Variants in DNM3 observed in about 807,000 individuals in gnomAD.
DNM3 encodes the protein dynamin-3.
A neutral mutation model predicts 101.6 loss-of-function variants in DNM3; 47 were observed. The observed-to-expected ratio is 0.46, with a 90% CI of 0.37 to 0.59. The LOEUF is 0.59. Among genes scored for constraint, DNM3 ranks in the 20% least tolerant of loss-of-function variants. The pLI is 0.00. For synonymous variants in DNM3, 385 were observed against 387.9 expected (o/e 0.99, Z 0.09); for missense variants, 849 against 1,085.7 (o/e 0.78, Z 3.06).
intron 14 of DNM3, chr1:172,136,525 T>C (rs966424125): frequency 1.3e-4 from 20 of 152,192 alleles, no homozygotes; most frequent in African/African-American, 4.1e-4. Context: ...CCAGTAAATA[T>C]TGAACTCTAA....
chr1:172,323,475 C>A, intron 17 of DNM3, 135 bp downstream of exon 17: 2 of 1,060,560 alleles, frequency 1.9e-6, no homozygotes, highest in Non-Finnish European at 2.6e-6. Flanking sequence ...ATGGGGTGTG[C>A]AAATTTGGGG....
chr1:172,027,893 C>T (rs910833579), intron 4 of DNM3, among the ~76,000 whole-genome samples: 1 of 152,108 alleles, frequency 6.6e-6, no homozygotes, highest in African/African-American at 2.4e-5. Context: ...TATATATGCA[C>T]CCAATACAGG....
In DNM3 at chr1:171,883,478, C is replaced by CT. The variant is rs796456771; in HGVS notation, c.162-38259dup. On this transcript the variant is annotated intron_variant, in intron 1 of 20. Transcript: ENST00000627582. ...TGATTCCTCTTTTTCTTTTTTCTTT[C>CT]TTTTTTTTTTTGAGATGGAGTCTCA... is the stretch of plus-strand genomic sequence containing the variant. 9.8e-3 allele frequency among the ~76,000 whole-genome samples: 1,374 copies of CT among 139,690 alleles called. 22 individuals carry two copies. The highest frequency in any genetic ancestry group is 0.027 in the African/African-American group (1,053 of 38,318). The allele number at this position is 139,690 out of a possible 152,430, so 91.6% of individuals were successfully genotyped here.
intron 1 of DNM3, among the ~76,000 whole-genome samples, chr1:171,893,802 T>G (rs2037512224): frequency 6.6e-6 from 1 of 151,934 alleles, no homozygotes; most frequent in Non-Finnish European, 1.5e-5. Flanking sequence ...CAATCCAATA[T>G]AAGTTGAAAT....
chr1:172,367,795 A>G (rs540788717), intron 17 of DNM3, among the ~76,000 whole-genome samples: 11 of 152,038 alleles, frequency 7.2e-5, no homozygotes, highest in African/African-American at 2.4e-4. Flanking sequence ...GAGTACTGCT[A>G]TGGTTTCACT....
chr1:172,045,497 C>T (rs1041766911), intron 9 of DNM3, among the ~76,000 whole-genome samples: 1 of 152,030 alleles, frequency 6.6e-6, no homozygotes, highest in African/African-American at 2.4e-5. Context: ...GGGTTCTGCC[C>T]TCATGATGTA....
Position 172,252,812 on chromosome 1 carries a change from G to A in DNM3, c.1660-761G>A, listed in dbSNP as rs991475686. On this transcript the variant is annotated intron_variant, in intron 14 of 20. Coordinates refer to ENST00000627582, the MANE Select transcript of DNM3 (RefSeq NM_015569.5). ...TCCAATGTTTTACTAACACTAATTT[G>A]GTCGCATTTGCAGACCTTACCTCTT... Among the ~76,000 whole-genome samples, 104 of 152,070 alleles carry A rather than the reference G, an allele frequency of 6.8e-4. 1 individual carries two copies. The highest frequency in any genetic ancestry group is 1.5e-3 in the East Asian group (8 of 5,182).
At chr1:171,866,992 A>G (rs759035990) in intron 1 of DNM3, among the ~76,000 whole-genome samples, 2 of 152,176 alleles carry the variant, frequency 1.3e-5, no homozygotes, top group Non-Finnish European at 2.9e-5. Flanking sequence ...CGTATTTTAA[A>G]AGTTTAGGTG....
intron 14 of DNM3, among the ~76,000 whole-genome samples, chr1:172,142,806 CT>C (rs1293210069): frequency 6.7e-6 from 1 of 148,794 alleles, no homozygotes; most frequent in Non-Finnish European, 1.5e-5. Context: ...TATTTTTCCT[CT>C]TCAGTAATTG....
At chr1:171,927,338 A>G (rs1445483861) in intron 2 of DNM3, among the ~76,000 whole-genome samples, 4 of 152,170 alleles carry the variant, frequency 2.6e-5, no homozygotes, top group African/African-American at 9.7e-5. Context: ...TTCATCATCC[A>G]GGTTTTAAGT....
At chr1:172,215,703 G>A (rs190044696) in intron 14 of DNM3, among the ~76,000 whole-genome samples, 3 of 151,952 alleles carry the variant, frequency 2.0e-5, no homozygotes, top group East Asian at 1.9e-4. Context: ...GTACATATTC[G>A]TTGGACTCAA....
At chr1:172,031,654 C>T (rs539082140) in intron 4 of DNM3, among the ~76,000 whole-genome samples, 16 of 152,228 alleles carry the variant, frequency 1.1e-4, no homozygotes, top group African/African-American at 2.6e-4. Flanking sequence ...ATGTATATGA[C>T]GTGCTACACA....
intron 20 of DNM3, 40 bp from the exon 21 acceptor site, chr1:172,407,732 T>C (rs1388295146): frequency 6.3e-7 from 1 of 1,593,118 alleles, no homozygotes; most frequent in Admixed American, 1.7e-5. Flanking sequence ...CTGCTAGATA[T>C]TCTACTTGTT....
At chr1:172,219,586 AG>A (rs959924822) in intron 14 of DNM3, among the ~76,000 whole-genome samples, 1 of 151,926 alleles carries the variant, frequency 6.6e-6, no homozygotes, top group African/African-American at 2.4e-5. Flanking sequence ...ACTGTAGGAG[AG>A]GGAAGAGGAA....
At chr1:172,022,339 T>C (rs368922019) in intron 4 of DNM3, among the ~76,000 whole-genome samples, 1 of 152,140 alleles carries the variant, frequency 6.6e-6, no homozygotes, top group South Asian at 2.1e-4. Flanking sequence ...TTAAAATCCT[T>C]TCTGACAGTG....
At chr1:172,351,625 A>G (rs1359343977) in intron 17 of DNM3, among the ~76,000 whole-genome samples, 1 of 152,160 alleles carries the variant, frequency 6.6e-6, no homozygotes, top group Non-Finnish European at 1.5e-5. Context: ...ATAAGTTTGG[A>G]TGTTTTCAAG....
chr1:172,234,648 A>T (rs2061467738), intron 14 of DNM3, among the ~76,000 whole-genome samples: 1 of 152,178 alleles, frequency 6.6e-6, no homozygotes, highest in Non-Finnish European at 1.5e-5. Context: ...ACAAGGCTAC[A>T]GTAACCAAAA....
intron 17 of DNM3, among the ~76,000 whole-genome samples, chr1:172,333,199 C>G (rs1276148197): frequency 6.6e-6 from 1 of 152,096 alleles, no homozygotes; most frequent in Non-Finnish European, 1.5e-5. Flanking sequence ...TTTAGACATT[C>G]ATTTGTTAAT....
rs188864848 is a variant in DNM3 at position 172,223,784 on chromosome 1, C to T, written c.1660-29789C>T. On this transcript the variant is annotated intron_variant, in intron 14 of 20. Coordinates refer to ENST00000627582, the MANE Select transcript of DNM3 (RefSeq NM_015569.5). ...TCTTCCTTGATTATTGTAAGAGCTTCGTACTTGTTCTGTCTACTTCTGGCC... is the reference window on the plus strand; with the variant it reads ...TCTTCCTTGATTATTGTAAGAGCTTTGTACTTGTTCTGTCTACTTCTGGCC... 2.0e-4 allele frequency among the ~76,000 whole-genome samples: 31 copies of T among 152,298 alleles called. No individual in the cohort carries two copies. In the East Asian group the frequency reaches 5.6e-3, roughly 28 times the overall value.
Sources: gnomAD v4.1 joint callset for allele counts (sites outside exome capture counted in the v4.1 genomes callset) on GRCh38, gnomAD v4.1.1 for gene constraint, MANE v1.5 for transcripts, NCBI Gene and HGNC (gene_info 2026-07-23, HGNC 2026-07-21) for gene names.